BRSK1: variants seen among roughly 807,000 people sequenced by gnomAD.
BRSK1 encodes the protein BR serine/threonine kinase 1, also known as serine/threonine-protein kinase BRSK1.
A neutral mutation model predicts 86.2 loss-of-function variants in BRSK1; 17 were observed. The ratio of observed to expected loss-of-function variants is 0.20; its 90% CI spans 0.14 to 0.30. The LOEUF (loss-of-function observed/expected upper bound fraction) is 0.30, where lower values mean the gene tolerates loss of function less well. Ranked by LOEUF, BRSK1 falls within the 10% of genes least tolerant of loss-of-function variation. The pLI is 1.00. For synonymous variants in BRSK1, 464 were observed against 440.1 expected, an observed-to-expected ratio of 1.05 and a Z score of -0.68; for missense variants, 719 against 1,071.9, an observed-to-expected ratio of 0.67 and a Z score of 4.60.
intron 7 of BRSK1, among the ~76,000 whole-genome samples, chr19:55,296,945 G>A (rs2088497636): frequency 6.6e-6 from 1 of 152,150 alleles, no homozygotes; most frequent in Non-Finnish European, 1.5e-5. Flanking sequence ...GAGCCCTGGA[G>A]GTCAAGGCTG....
At chr19:55,286,950 C>A in intron 1 of BRSK1, 57 bp from the exon 2 acceptor site, 1 of 1,547,906 alleles carries the variant, frequency 6.5e-7, no homozygotes, top group Non-Finnish European at 8.9e-7. Flanking sequence ...GGGACATAGG[C>A]GCTGGGGACG....
At chr19:55,299,708 G>A (rs1051911829) in intron 7 of BRSK1, among the ~76,000 whole-genome samples, 1 of 152,088 alleles carries the variant, frequency 6.6e-6, no homozygotes, top group Non-Finnish European at 1.5e-5. Flanking sequence ...ATTTAATCCA[G>A]ACCGTACCCT....
chr19:55,284,248 G>T lies in BRSK1; in HGVS notation c.-195G>T. The T allele has an allele frequency of 4.3e-6, 2 of 468,100 alleles. No homozygotes were observed. The highest frequency in any genetic ancestry group is 1.1e-4 in the South Asian group (1 of 9,234). The allele number at this position is 468,100 out of a possible 1,614,324, so 29.0% of individuals were successfully genotyped here. A position where few individuals can be genotyped will look rare whatever the true frequency, so the allele number is the denominator to read the frequency against. Reference sequence around the variant, plus strand: ...CTGACTCCCGGGGCCTGACCCCCCCGGGCCAGCCCCCCCTCCCCCAGCTCC... The same window carrying T: ...CTGACTCCCGGGGCCTGACCCCCCCTGGCCAGCCCCCCCTCCCCCAGCTCC... On this transcript the variant is annotated 5_prime_UTR_variant, in exon 1 of 19. Coordinates refer to ENST00000309383, the MANE Select transcript of BRSK1 (RefSeq NM_032430.2).
chr19:55,311,164 G>A (rs879900732), intron 18 of BRSK1, among the ~76,000 whole-genome samples: 8 of 152,198 alleles, frequency 5.3e-5, no homozygotes, highest in Non-Finnish European at 8.8e-5. Flanking sequence ...GTTTCACCAT[G>A]TTGGCCAGGC....
Position 55,304,772 on chromosome 19 carries a change from G to T in BRSK1, c.1569G>T (p.Thr523=). The change falls in exon 14 of 19, where the codon ACG becomes ACT. Residue 523 remains threonine (T), a synonymous_variant. Coordinates refer to ENST00000309383, the MANE Select transcript of BRSK1 (RefSeq NM_032430.2). The surrounding 1 kb of genome is among the most constrained non-coding windows in gnomAD (Gnocchi z 5.2). The part of the protein sequence containing the change: ...GGTPLHSPLH[T]PRASPTGTPG... Reference sequence around the variant, plus strand: ...CCCCCTTGCACTCGCCTCTGCACACGCCCCGGGCCAGTCCCACCGGGACCC... The same window carrying T: ...CCCCCTTGCACTCGCCTCTGCACACTCCCCGGGCCAGTCCCACCGGGACCC... 2 of 1,549,486 alleles carry T rather than the reference G, an allele frequency of 1.3e-6. No homozygotes were observed. Among genetic ancestry groups the T allele is most frequent in the Non-Finnish European group, 8.7e-7 (1 of 1,152,252 alleles).
intron 1 of BRSK1, among the ~76,000 whole-genome samples, chr19:55,285,843 G>A (rs912810169): frequency 6.6e-6 from 1 of 152,086 alleles, no homozygotes; most frequent in Non-Finnish European, 1.5e-5. Flanking sequence ...GAGACCCTAG[G>A]GAAAAGGAGA....
chr19:55,300,532 A>G (rs574180880), intron 7 of BRSK1, among the ~76,000 whole-genome samples: 37 of 151,734 alleles, frequency 2.4e-4, no homozygotes, highest in Admixed American at 1.2e-3. Context: ...GTGAAACCCC[A>G]TCTCTGCTAA....
chr19:55,301,862 T>C (rs1242022222), intron 8 of BRSK1, among the ~76,000 whole-genome samples: 1 of 152,040 alleles, frequency 6.6e-6, no homozygotes. Flanking sequence ...GGCGGGGAGC[T>C]CCAGGCAGCG....
Position 55,306,937 on chromosome 19 carries a change from C to T in BRSK1, c.2089+487C>T, listed in dbSNP as rs2088658765. ...TCAGTCTGCCCAGAGCAGACATTACCAATTGATGGCAGTGCTTATTCCTGC... is the reference window on the plus strand; with the variant it reads ...TCAGTCTGCCCAGAGCAGACATTACTAATTGATGGCAGTGCTTATTCCTGC... On this transcript the variant is annotated intron_variant, in intron 17 of 18. Transcript: ENST00000309383. The surrounding 1 kb of genome is among the most constrained non-coding windows in gnomAD (Gnocchi z 4.7). Among the ~76,000 whole-genome samples the T allele has an allele frequency of 6.6e-6, 1 of 152,188 alleles. No individual in the cohort carries two copies. The highest frequency in any genetic ancestry group is 1.5e-5 in the Non-Finnish European group (1 of 68,044).
At chr19:55,297,832 G>A (rs1278758926) in intron 7 of BRSK1, among the ~76,000 whole-genome samples, 1 of 151,982 alleles carries the variant, frequency 6.6e-6, no homozygotes, top group Non-Finnish European at 1.5e-5. Flanking sequence ...TTTTCATTTT[G>A]AGACGGAGTT....
chr19:55,299,378 T>TTG (rs2088537422), intron 7 of BRSK1, among the ~76,000 whole-genome samples: 3 of 151,252 alleles, frequency 2.0e-5, no homozygotes, highest in Non-Finnish European at 4.4e-5. Flanking sequence ...TTGGTTTTTT[T>TTG]TTTTGTTTTG....
rs896659310 is a variant in BRSK1, at chr19:55,304,979, G to T, written c.1717+59G>T. 18 of 1,587,336 alleles carry T rather than the reference G, an allele frequency of 1.1e-5. No individual in the cohort carries two copies. The African/African-American group carries it at 1.6e-4, about 14-fold the overall frequency. ...GGGAGAGGTTGGGGCTAAAAATCTGGTTCCAGGGATGTCCGTCTGGCGTGT... is the reference window on the plus strand; with the variant it reads ...GGGAGAGGTTGGGGCTAAAAATCTGTTTCCAGGGATGTCCGTCTGGCGTGT... On this transcript the variant is annotated intron_variant, in intron 14 of 18. Transcript: ENST00000309383. This position sits in a 1 kb window ranked among gnomAD's most constrained non-coding sequence, Gnocchi z 5.2.
At chr19:55,292,379 G>T (rs1033753769) in intron 4 of BRSK1, among the ~76,000 whole-genome samples, 1 of 152,280 alleles carries the variant, frequency 6.6e-6, no homozygotes, top group East Asian at 1.9e-4. Context: ...ATGACATCTG[G>T]GATGTCCTAC....
At chr19:55,295,800 C>T (rs562518728) in intron 7 of BRSK1, among the ~76,000 whole-genome samples, 2 of 152,294 alleles carry the variant, frequency 1.3e-5, no homozygotes, top group South Asian at 4.1e-4. Flanking sequence ...GAAACCCCAT[C>T]TCTACTAGAA....
rs374038426 is a variant in BRSK1 at position 55,304,515 on chromosome 19, G to A, written c.1348-36G>A. 270 of 1,512,080 alleles carry A rather than the reference G, an allele frequency of 1.8e-4. No homozygotes were observed. Among genetic ancestry groups the A allele is most frequent in the Non-Finnish European group, 2.3e-4 (259 of 1,135,234 alleles). The allele number at this position is 1,512,080 out of a possible 1,614,324, so 93.7% of individuals were successfully genotyped here. A position where few individuals can be genotyped will look rare whatever the true frequency, so the allele number is the denominator to read the frequency against. On this transcript the variant is annotated intron_variant, in intron 13 of 18. Coordinates refer to ENST00000309383, the MANE Select transcript of BRSK1 (RefSeq NM_032430.2). This position sits in a 1 kb window ranked among gnomAD's most constrained non-coding sequence, Gnocchi z 5.2. ...CTCCTAGAGCCTCCTGGGAGTTGTA[G>A]TCCACTCGCTTATCTCAGTCTCCTG...
chr19:55,305,548 A>G lies in BRSK1; in HGVS notation c.1852A>G (p.Ser618Gly). ...CCTCGTGCTAAAGGACAAACCTCTCAGCAGCATCAAAGCAGACATCGTCCA... is the reference window on the plus strand; with the variant it reads ...CCTCGTGCTAAAGGACAAACCTCTCGGCAGCATCAAAGCAGACATCGTCCA... ...IFLVLKDKPL[S>G]SIKADIVHAF... is the part of the protein sequence containing the mutation. Residue 618 changes from serine (S) to glycine (G), a missense_variant, in exon 16 of 19, where the codon AGC (serine) becomes GGC (glycine). Physicochemically the swap from Ser to Gly is moderately conservative, Grantham distance 56. Coordinates refer to ENST00000309383, the MANE Select transcript of BRSK1 (RefSeq NM_032430.2). 1 of 1,614,200 alleles carries G rather than the reference A, an allele frequency of 6.2e-7. No homozygotes were observed. Among genetic ancestry groups the G allele is most frequent in the Admixed American group, 1.7e-5 (1 of 60,030 alleles).
chr19:55,299,909 C>A (rs909006607), intron 7 of BRSK1, among the ~76,000 whole-genome samples: 5 of 152,128 alleles, frequency 3.3e-5, no homozygotes, highest in African/African-American at 1.2e-4. Context: ...GCTTGCAACA[C>A]CCGGAAAAGC....
In BRSK1 at chr19:55,287,102, G is replaced by A; in HGVS notation, c.231+1G>A. The stretch of plus-strand genomic sequence containing the variant: ...GCTGTCGGAGTCGGTGCTGATGAAG[G>A]TGTGTGCGCCTGCTGCAGTGTGCCT... On this transcript the variant is annotated splice_donor_variant, in intron 2 of 18. Coordinates refer to ENST00000309383, the MANE Select transcript of BRSK1 (RefSeq NM_032430.2). LOFTEE classifies it high-confidence loss of function. The surrounding 1 kb of genome is among the most constrained non-coding windows in gnomAD (Gnocchi z 5.3). The A allele has an allele frequency of 6.2e-7, 1 of 1,613,160 alleles. No homozygotes were observed. Among genetic ancestry groups the A allele is most frequent in the Non-Finnish European group, 8.5e-7 (1 of 1,179,714 alleles).
At position 55,312,523 on chromosome 19, in the gene BRSK1, C is replaced by T. The variant is rs1238362883; in HGVS notation, c.*455C>T. On this transcript the variant is annotated 3_prime_UTR_variant, in exon 19 of 19. Transcript: ENST00000309383. ...CCTGCCTGCGTCCGTGTCTCTGATT[C>T]CGCCGGCGGCAAAAAAAAAAAAAAA... 5.8e-6 allele frequency: 1 copy of T among 171,678 alleles called. No homozygotes were observed. The highest frequency in any genetic ancestry group is 1.1e-5 in the Non-Finnish European group (1 of 92,520). The allele number at this position is 171,678 out of a possible 1,614,324, so 10.6% of individuals were successfully genotyped here.
Sources: allele counts gnomAD v4.1 joint callset (sites outside exome capture counted in the v4.1 genomes callset), GRCh38; gene constraint gnomAD v4.1.1; non-coding constraint Gnocchi (gnomAD v3.1); transcripts MANE v1.5; gene names NCBI Gene and HGNC (gene_info 2026-07-23, HGNC 2026-07-21).